The following MAJIN variants were observed in gnomAD, a reference collection of about 807,000 sequenced individuals.
MAJIN encodes the protein membrane-anchored junction protein.
MAJIN carries 27 observed loss-of-function variants against 30.2 expected under a neutral mutation model. The observed-to-expected ratio is 0.89, with a 90% CI of 0.66 to 1.23. The LOEUF (loss-of-function observed/expected upper bound fraction) is 1.23. MAJIN is among the 50% of genes most tolerant of loss of function. The pLI is 0.00. For missense variants in MAJIN, 253 were observed against 260.3 expected, an observed-to-expected ratio of 0.97 and a Z score of 0.19; for synonymous variants, 78 against 91.6, an observed-to-expected ratio of 0.85 and a Z score of 0.85.
Position 64,964,600 on chromosome 11 carries a change from T to C in MAJIN, c.-64-4465A>G, listed in dbSNP as rs1945778023. ...AAAAACATCAAAGCAAAATTTAATT[T>C]TTTTTTTTTTTTGAGACAGAGTCTC... On this transcript the variant is annotated intron_variant, in intron 1 of 10. Coordinates refer to ENST00000301896, the MANE Select transcript of MAJIN (RefSeq NM_001037225.3). 2.7e-5 allele frequency among the ~76,000 whole-genome samples: 4 copies of C among 148,792 alleles called. No homozygotes were observed. The South Asian group carries it at 8.4e-4, about 31-fold the overall frequency.
intron 3 of MAJIN, among the ~76,000 whole-genome samples, chr11:64,958,597 A>AG (rs1945672188): frequency 2.0e-5 from 2 of 101,594 alleles, no homozygotes; most frequent in Non-Finnish European, 4.7e-5. Flanking sequence ...CTGTCTTGGG[A>AG]GAAAAAAAAA....
intron 1 of MAJIN, among the ~76,000 whole-genome samples, chr11:64,963,230 T>A (rs375027487): frequency 2.6e-5 from 4 of 152,292 alleles, no homozygotes; most frequent in Middle Eastern, 3.4e-3. Context: ...TTAATCCCAA[T>A]GCAAAATCTG....
Position 64,947,479 on chromosome 11 carries a change from C to G in MAJIN, c.382-14G>C. ...CTCAACTGGGACCTTCAGGAGGAAG[C>G]AGATGCCTGTGACTCCTCCTTTCCA... On this transcript the variant is annotated splice_polypyrimidine_tract_variant and intron_variant, in intron 7 of 10. Coordinates refer to ENST00000301896, the MANE Select transcript of MAJIN (RefSeq NM_001037225.3). 1.2e-6 allele frequency: 2 copies of G among 1,608,726 alleles called. No individual in the cohort carries two copies. Among genetic ancestry groups the G allele is most frequent in the South Asian group, 1.1e-5 (1 of 90,936 alleles).
intron 8 of MAJIN, among the ~76,000 whole-genome samples, chr11:64,943,421 C>A (rs1945406653): frequency 6.6e-6 from 1 of 152,218 alleles, no homozygotes; most frequent in Non-Finnish European, 1.5e-5. Flanking sequence ...GCCACACAGG[C>A]TCCCAATGTG....
intron 8 of MAJIN, among the ~76,000 whole-genome samples, chr11:64,944,874 G>A (rs1448977591): frequency 5.3e-5 from 8 of 152,152 alleles, no homozygotes; most frequent in Non-Finnish European, 1.2e-4. Flanking sequence ...AAAGAAAAAG[G>A]TCACTATTTT....
At chr11:64,951,842 T>C (rs987561262) in intron 4 of MAJIN, among the ~76,000 whole-genome samples, 2 of 151,612 alleles carry the variant, frequency 1.3e-5, no homozygotes, top group African/African-American at 2.4e-5. Context: ...GTCTAGCTTA[T>C]AATTATACTG....
chr11:64,948,645 T>C (rs1402676637), intron 6 of MAJIN, among the ~76,000 whole-genome samples: 13 of 26,648 alleles, frequency 4.9e-4, no homozygotes, highest in African/African-American at 2.1e-3. Context: ...ATATATTTTT[T>C]TTTTTTTTTT....
chr11:64,964,731 C>A (rs1294620079), intron 1 of MAJIN, among the ~76,000 whole-genome samples: 1 of 151,782 alleles, frequency 6.6e-6, no homozygotes, highest in Non-Finnish European at 1.5e-5. Context: ...GTACTACAGG[C>A]ACCCACCACC....
chr11:64,954,485 C>T (rs916102515), intron 4 of MAJIN: 12 of 524,806 alleles, frequency 2.3e-5, no homozygotes, highest in Non-Finnish European at 2.8e-5. Context: ...CCAGCTGCAA[C>T]AAAAGAGAGC....
At chr11:64,949,650 G>T in intron 6 of MAJIN, 93 bp downstream of exon 6, 1 of 1,494,842 alleles carries the variant, frequency 6.7e-7, no homozygotes. Flanking sequence ...CTGTATGGCT[G>T]GAGCCTAATC....
chr11:64,950,220 C>T, intron 5 of MAJIN, 135 bp downstream of exon 5: 1 of 763,880 alleles, frequency 1.3e-6, no homozygotes, highest in Non-Finnish European at 2.1e-6. Flanking sequence ...ATCCCAGCTA[C>T]TGGAGAGGCT....
intron 4 of MAJIN, among the ~76,000 whole-genome samples, 157 bp from the exon 5 acceptor site, chr11:64,950,587 T>C (rs546414623): frequency 6.6e-6 from 1 of 152,212 alleles, no homozygotes; most frequent in East Asian, 1.9e-4. Context: ...TTTTTCTTTC[T>C]TTCTTTCTTT....
At chr11:64,958,614 A>AG (rs1048440054) in intron 3 of MAJIN, among the ~76,000 whole-genome samples, 19 of 151,070 alleles carry the variant, frequency 1.3e-4, no homozygotes, top group Admixed American at 2.6e-4. Context: ...AAAAAAAAAA[A>AG]AAAGAAAGAA....
chr11:64,967,064 G>T (rs1299343374), intron 1 of MAJIN, among the ~76,000 whole-genome samples: 2 of 151,846 alleles, frequency 1.3e-5, no homozygotes, highest in Admixed American at 1.3e-4. Flanking sequence ...GAGCCCAGGA[G>T]TTCGAGACCA....
intron 6 of MAJIN, 57 bp downstream of exon 6, chr11:64,949,686 C>A: frequency 6.3e-7 from 1 of 1,594,264 alleles, no homozygotes; most frequent in Non-Finnish European, 8.5e-7. Flanking sequence ...CGATACCTAG[C>A]TGGCACAGCT....
intron 1 of MAJIN, among the ~76,000 whole-genome samples, chr11:64,963,987 A>C (rs1945767620): frequency 6.6e-6 from 1 of 152,208 alleles, no homozygotes; most frequent in Non-Finnish European, 1.5e-5. Context: ...TCTGTTGCCC[A>C]AGCTGGAGTG....
rs1945468453 is a variant in MAJIN, at chr11:64,947,437, G to A, written c.410C>T (p.Ala137Val). 1 of 1,613,862 alleles carries A rather than the reference G, an allele frequency of 6.2e-7. No homozygotes were observed. Among genetic ancestry groups the A allele is most frequent in the Admixed American group, 1.7e-5 (1 of 60,014 alleles). ...CATGTGTTTTCGTTTCCTCATCACA[G>A]CTCCTACTGCTTTCTTCTCAACTGG... ...LVPVEKKAVG[A>V]VMRKRKHMDE... The change falls in exon 8 of 11, where the codon GCT (alanine) becomes GTT (valine). Residue 137 changes from alanine (A) to valine (V), a missense_variant. Ala to Val is a moderately conservative substitution (Grantham distance 64, BLOSUM62 0). Coordinates refer to ENST00000301896, the MANE Select transcript of MAJIN (RefSeq NM_001037225.3).
At chr11:64,961,686 C>A (rs1253088730) in intron 1 of MAJIN, among the ~76,000 whole-genome samples, 1 of 149,688 alleles carries the variant, frequency 6.7e-6, no homozygotes, top group African/African-American at 2.5e-5. Context: ...CCGTGTTAGC[C>A]AGGATGGTCT....
Position 64,940,700 on chromosome 11 carries a change from C to A in MAJIN, c.474-54G>T, listed in dbSNP as rs890601114. The A allele has an allele frequency of 2.7e-5, 41 of 1,496,264 alleles. No homozygotes were observed. In the African/African-American group the frequency reaches 5.5e-4, roughly 20 times the overall value. The allele number at this position is 1,496,264 out of a possible 1,614,324, so 92.7% of individuals were successfully genotyped here. A position where few individuals can be genotyped will look rare whatever the true frequency, so the allele number is the denominator to read the frequency against. On this transcript the variant is annotated intron_variant, in intron 8 of 10. Transcript: ENST00000301896. Reference sequence around the variant, plus strand: ...TAAACTTTCCTCCTACACTGCATGGCAATCTGAATGCTATTTGCTGGTGAA... The same window carrying A: ...TAAACTTTCCTCCTACACTGCATGGAAATCTGAATGCTATTTGCTGGTGAA...
Sources: gnomAD v4.1 joint callset for allele counts (sites outside exome capture counted in the v4.1 genomes callset) on GRCh38, gnomAD v4.1.1 for gene constraint, MANE v1.5 for transcripts, NCBI Gene and HGNC (gene_info 2026-07-23, HGNC 2026-07-21) for gene names.